The following RNF111 variants were observed in gnomAD, a reference collection of about 807,000 sequenced individuals.
RNF111 encodes the protein E3 ubiquitin-protein ligase Arkadia.
A neutral mutation model predicts 95.1 loss-of-function variants in RNF111; 17 were observed. That is an observed-to-expected ratio of 0.18 (90% CI 0.12 to 0.27). RNF111 has a LOEUF of 0.27. Among genes scored for constraint, RNF111 ranks in the 10% least tolerant of loss-of-function variants. The probability of loss-of-function intolerance (pLI) is 1.00; values close to 1 mark genes in which losing one functional copy is unlikely to be tolerated. For synonymous variants in RNF111, 440 were observed against 414.8 expected (o/e 1.06, Z -0.74); for missense variants, 1,189 against 1,210.4 (o/e 0.98, Z 0.26).
At chr15:59,075,842 A>G in intron 6 of RNF111, 112 bp from the exon 7 acceptor site, 2 of 1,190,902 alleles carry the variant, frequency 1.7e-6, no homozygotes, top group South Asian at 1.6e-5. Context: ...TCCTGGTTTC[A>G]AACTAATTTA....
In RNF111 at chr15:58,987,680, G is replaced by C. The variant is rs542029990; in HGVS notation, c.-408G>C. On this transcript the variant is annotated 5_prime_UTR_variant, in exon 1 of 14. Transcript: ENST00000348370. ...AGAGCCCTAGTGTCGTGCTCTCCTC[G>C]GTAGGGGAGGAATTGGTTAGGCGGC... The C allele has an allele frequency of 5.9e-6, 1 of 170,274 alleles. No individual in the cohort carries two copies. The highest frequency in any genetic ancestry group is 2.4e-5 in the African/African-American group (1 of 41,596). 10.5% of individuals were successfully genotyped at this position (170,274 alleles called of 1,614,324 possible). A position where few individuals can be genotyped will look rare whatever the true frequency, so the allele number is the denominator to read the frequency against.
intron 13 of RNF111, among the ~76,000 whole-genome samples, chr15:59,093,129 A>G (rs1179690963): frequency 7.2e-5 from 11 of 152,212 alleles, no homozygotes; most frequent in Admixed American, 6.5e-4. Flanking sequence ...TAAAGTATCT[A>G]TGTTACCAAC....
chr15:59,091,361 C>A (rs2079046972), intron 12 of RNF111, among the ~76,000 whole-genome samples: 1 of 152,060 alleles, frequency 6.6e-6, no homozygotes, highest in Non-Finnish European at 1.5e-5. Flanking sequence ...GAAGTGAAAT[C>A]ATAGTTAAGG....
chr15:59,011,588 C>T (rs143313414), intron 1 of RNF111, among the ~76,000 whole-genome samples: 1 of 152,154 alleles, frequency 6.6e-6, no homozygotes, highest in African/African-American at 2.4e-5. Flanking sequence ...CCTGAGGCCC[C>T]TCTTCTTGGT....
chr15:59,035,115 C>G (rs536133561), intron 2 of RNF111, among the ~76,000 whole-genome samples: 8 of 152,270 alleles, frequency 5.3e-5, no homozygotes, highest in African/African-American at 1.7e-4. Context: ...ATTTATAAAA[C>G]CATCAGACCT....
chr15:59,038,949 A>T (rs192305130), intron 2 of RNF111, among the ~76,000 whole-genome samples: 1 of 152,020 alleles, frequency 6.6e-6, no homozygotes, highest in Non-Finnish European at 1.5e-5. Flanking sequence ...CAGATTCATT[A>T]TATTAGGGGT....
rs553846837 is a variant in RNF111, at chr15:59,047,832, C to T, written c.881-4473C>T. Among the ~76,000 whole-genome samples, 15 of 152,338 alleles carry T rather than the reference C, an allele frequency of 9.8e-5. No individual in the cohort carries two copies. The East Asian group carries it at 2.7e-3, about 27-fold the overall frequency. On this transcript the variant is annotated intron_variant, in intron 2 of 13. Coordinates refer to ENST00000348370, the MANE Select transcript of RNF111 (RefSeq NM_017610.8). ...TCGAGCAATCTGCCTGCCTCGGTCT[C>T]CCAAAGTGCTGGGATTATAGGCGTG... is the stretch of plus-strand genomic sequence containing the variant.
intron 1 of RNF111, among the ~76,000 whole-genome samples, chr15:59,013,775 C>T (rs2039936887): frequency 6.6e-6 from 1 of 152,038 alleles, no homozygotes; most frequent in Non-Finnish European, 1.5e-5. Flanking sequence ...AGTATGGATT[C>T]ATGGATATTC....
At chr15:59,083,622 C>G (rs1358323142) in intron 8 of RNF111, among the ~76,000 whole-genome samples, 1 of 151,396 alleles carries the variant, frequency 6.6e-6, no homozygotes, top group Non-Finnish European at 1.5e-5. Flanking sequence ...AAAAAATGCA[C>G]AGGGTTAACA....
At chr15:58,989,263 A>T (rs903572198) in intron 1 of RNF111, among the ~76,000 whole-genome samples, 1 of 152,232 alleles carries the variant, frequency 6.6e-6, no homozygotes, top group Non-Finnish European at 1.5e-5. Context: ...AAACAGATGG[A>T]TAAGAAGGAA....
chr15:59,036,445 T>C (rs2041183017), intron 2 of RNF111, among the ~76,000 whole-genome samples: 1 of 152,116 alleles, frequency 6.6e-6, no homozygotes, highest in South Asian at 2.1e-4. Context: ...TGGCAGGTCA[T>C]TGAGGAGCAA....
At chr15:59,006,199 A>G (rs1467609878) in intron 1 of RNF111, among the ~76,000 whole-genome samples, 3 of 152,218 alleles carry the variant, frequency 2.0e-5, no homozygotes, top group African/African-American at 7.2e-5. Context: ...AAACCAACCA[A>G]GTTGATGTTT....
chr15:59,022,684 A>G lies in RNF111; in HGVS notation c.-19-8120A>G, dbSNP rs189032123. 3.7e-3 allele frequency among the ~76,000 whole-genome samples: 566 copies of G among 152,316 alleles called. 1 individual carries two copies. Among genetic ancestry groups the G allele is most frequent in the Non-Finnish European group, 6.1e-3 (413 of 68,032 alleles). ...GTTGTTTAACCTCTTCACACTCCATATAAATCATTCTTCCAATGTCTTTTA... is the reference window on the plus strand; with the variant it reads ...GTTGTTTAACCTCTTCACACTCCATGTAAATCATTCTTCCAATGTCTTTTA... On this transcript the variant is annotated intron_variant, in intron 1 of 13. Coordinates refer to ENST00000348370, the MANE Select transcript of RNF111 (RefSeq NM_017610.8).
In RNF111 at chr15:59,049,715, G is replaced by T. The variant is rs1596200108; in HGVS notation, c.881-2590G>T. 3 of 149,502 alleles carry T rather than the reference G, an allele frequency of 2.0e-5. No individual in the cohort carries two copies. In the South Asian group the frequency reaches 5.5e-4, roughly 27 times the overall value. 9.3% of individuals were successfully genotyped at this position (149,502 alleles called of 1,614,324 possible). On this transcript the variant is annotated intron_variant, in intron 2 of 13. Coordinates refer to ENST00000348370, the MANE Select transcript of RNF111 (RefSeq NM_017610.8). ...GTAATATTTGTGGGCATTCCTTTTTGAACAGTAGCCATTTTCTTTTTCTTT... is the reference window on the plus strand; with the variant it reads ...GTAATATTTGTGGGCATTCCTTTTTTAACAGTAGCCATTTTCTTTTTCTTT...
chr15:59,043,419 AGTGCTG>A (rs1352457440), intron 2 of RNF111, among the ~76,000 whole-genome samples: 1 of 152,118 alleles, frequency 6.6e-6, no homozygotes, highest in African/African-American at 2.4e-5. Flanking sequence ...GGCCTTGCAA[AGTGCTG>A]GGCTTGCAGG....
intron 5 of RNF111, among the ~76,000 whole-genome samples, chr15:59,061,113 C>T (rs570223995): frequency 2.0e-4 from 30 of 152,224 alleles, no homozygotes; most frequent in African/African-American, 6.7e-4. Flanking sequence ...TAGCATTATT[C>T]TTACGTACAT....
chr15:58,998,692 G>A (rs1458044138), intron 1 of RNF111, among the ~76,000 whole-genome samples: 3 of 152,100 alleles, frequency 2.0e-5, no homozygotes, highest in Non-Finnish European at 4.4e-5. Context: ...ACAAATGACA[G>A]AATTTATTGC....
At chr15:59,044,617 C>A (rs1416091816) in intron 2 of RNF111, among the ~76,000 whole-genome samples, 3 of 151,788 alleles carry the variant, frequency 2.0e-5, no homozygotes, top group Admixed American at 6.6e-5. Context: ...ACCTAACTAA[C>A]CTTAAAAAAA....
At chr15:59,008,995 T>C (rs765110340) in intron 1 of RNF111, among the ~76,000 whole-genome samples, 1 of 152,194 alleles carries the variant, frequency 6.6e-6, no homozygotes, top group Non-Finnish European at 1.5e-5. Flanking sequence ...AGTCCCATTC[T>C]GTCACCCAGG....
Sources: gnomAD v4.1 joint callset for allele counts (sites outside exome capture counted in the v4.1 genomes callset) on GRCh38, gnomAD v4.1.1 for gene constraint, MANE v1.5 for transcripts, NCBI Gene and HGNC (gene_info 2026-07-23, HGNC 2026-07-21) for gene names.